The following DNAH17 variants were observed in gnomAD, a reference collection of about 807,000 sequenced individuals.
DNAH17 encodes the protein dynein axonemal heavy chain 17.
In DNAH17, 376 loss-of-function variants were observed where a neutral mutation model predicts 485.6. That is an observed-to-expected ratio of 0.77 (90% CI 0.71 to 0.84). The LOEUF (loss-of-function observed/expected upper bound fraction) is 0.84, where lower values mean the gene tolerates loss of function less well. DNAH17 is among the 40% of genes least tolerant of loss of function. The pLI is 0.00. For missense variants in DNAH17, 6,370 were observed against 5,839.3 expected (o/e 1.09, Z -2.96); for synonymous variants, 3,031 against 2,405.9 (o/e 1.26, Z -7.60).
chr17:78,472,905 C>A, intron 54 of DNAH17: 1 of 317,856 alleles, frequency 3.1e-6, no homozygotes, highest in East Asian at 1.3e-4. Context: ...CCACATCCTG[C>A]CCGCTCTATC....
chr17:78,523,880 G>A (rs1347493938), intron 25 of DNAH17, among the ~76,000 whole-genome samples: 2 of 152,220 alleles, frequency 1.3e-5, no homozygotes, highest in Non-Finnish European at 2.9e-5. Context: ...CTGCACCCCA[G>A]CCTGGGCAAC....
chr17:78,486,621 G>T (rs1197577389), intron 44 of DNAH17, 115 bp from the exon 45 acceptor site: 2 of 1,308,798 alleles, frequency 1.5e-6, no homozygotes, highest in African/African-American at 1.5e-5. Context: ...CTGCCCTCAG[G>T]GTCACCATGC....
At position 78,551,652 on chromosome 17, in the gene DNAH17, G is replaced by T. The variant is rs751697243; in HGVS notation, c.2288-14C>A. On this transcript the variant is annotated splice_polypyrimidine_tract_variant and intron_variant, in intron 15 of 80. Coordinates refer to ENST00000389840, the MANE Select transcript of DNAH17 (RefSeq NM_173628.4). The stretch of plus-strand genomic sequence containing the variant: ...ACTGAAACACACCTAAAATGGAAAT[G>T]TAGAGGAATCTTACAAAATGAACAA... The T allele has an allele frequency of 6.2e-7, 1 of 1,612,502 alleles. No homozygotes were observed. Among genetic ancestry groups the T allele is most frequent in the East Asian group, 2.2e-5 (1 of 44,874 alleles).
rs1483360077 is a variant in DNAH17, at chr17:78,507,331, C to T, written c.4623G>A (p.Val1541=). 1.3e-5 allele frequency: 21 copies of T among 1,614,058 alleles called. No homozygotes were observed. The highest frequency in any genetic ancestry group is 2.2e-5 in the East Asian group (1 of 44,886). Reference sequence around the variant, plus strand: ...AGAGGCCGGGTTTGCTGGTGGCTTCCACCACGTTGGGTGTTTTCACTGCAT... The same window carrying T: ...AGAGGCCGGGTTTGCTGGTGGCTTCTACCACGTTGGGTGTTTTCACTGCAT... ...MEDAVKTPNV[V]EATSKPGLYN... is the part of the protein sequence containing the mutation. Residue 1541 remains valine (V), a synonymous_variant, in exon 29 of 81, where the codon GTG becomes GTA. Coordinates refer to ENST00000389840, the MANE Select transcript of DNAH17 (RefSeq NM_173628.4).
rs1011288234 is a variant in DNAH17 at position 78,444,507 on chromosome 17, A to C, written c.11528+97T>G. ...GGAGAAGAAAAAAGTTCAGGGGATC[A>C]ACTCAAGTCCACAGAGAGTCTAGCA... On this transcript the variant is annotated intron_variant, in intron 71 of 80. Transcript: ENST00000389840. 7.4e-6 allele frequency: 9 copies of C among 1,211,072 alleles called. No homozygotes were observed. The African/African-American group carries it at 1.3e-4, about 17-fold the overall frequency. 75.0% of individuals were successfully genotyped at this position (1,211,072 alleles called of 1,614,324 possible). A position where few individuals can be genotyped will look rare whatever the true frequency, so the allele number is the denominator to read the frequency against.
chr17:78,565,525 G>C (rs765591816), intron 11 of DNAH17, among the ~76,000 whole-genome samples: 1 of 152,184 alleles, frequency 6.6e-6, no homozygotes, highest in Non-Finnish European at 1.5e-5. Flanking sequence ...ACCAGCCCAG[G>C]CTGCCCAGGC....
At chr17:78,485,210 A>G (rs1301845593) in intron 47 of DNAH17, 177 bp from the exon 48 acceptor site, 8 of 763,524 alleles carry the variant, frequency 1.0e-5, no homozygotes, top group Non-Finnish European at 1.6e-5. Flanking sequence ...GTACAGCCCC[A>G]GGAATAAACA....
At chr17:78,492,474 T>A (rs1001179106) in intron 42 of DNAH17, among the ~76,000 whole-genome samples, 159 bp downstream of exon 42, 1 of 152,134 alleles carries the variant, frequency 6.6e-6, no homozygotes, top group African/African-American at 2.4e-5. Context: ...CTGCTCCCCA[T>A]AAACTTTGTT....
At chr17:78,526,246 G>T (rs2091067765) in intron 24 of DNAH17, among the ~76,000 whole-genome samples, 1 of 152,240 alleles carries the variant, frequency 6.6e-6, no homozygotes, top group Non-Finnish European at 1.5e-5. Flanking sequence ...GGTCAGGAGA[G>T]GCAGGAGGCA....
At chr17:78,501,582 G>C in intron 34 of DNAH17, 160 bp downstream of exon 34, 2 of 1,100,044 alleles carry the variant, frequency 1.8e-6, no homozygotes, top group Non-Finnish European at 2.6e-6. Flanking sequence ...TGCTCACCAG[G>C]GGTGAGTCCG....
intron 51 of DNAH17, among the ~76,000 whole-genome samples, chr17:78,477,247 C>T (rs1241383945): frequency 6.6e-6 from 1 of 152,080 alleles, no homozygotes; most frequent in Non-Finnish European, 1.5e-5. Flanking sequence ...TGGCCAGGTA[C>T]ACAAAGAAAT....
At chr17:78,571,856 CCTT>C (rs2092363462) in intron 3 of DNAH17, 74 bp from the exon 4 acceptor site, 2 of 1,416,598 alleles carry the variant, frequency 1.4e-6, no homozygotes, top group South Asian at 1.4e-5. Flanking sequence ...TCCCATGAAT[CCTT>C]CTGCCCACCA....
At chr17:78,491,815 A>G (rs369604666) in intron 42 of DNAH17, among the ~76,000 whole-genome samples, 7 of 152,252 alleles carry the variant, frequency 4.6e-5, no homozygotes, top group African/African-American at 7.2e-5. Context: ...CCTCCCTGTC[A>G]GCCCCTCTTT....
rs757520876 is a variant in DNAH17, at chr17:78,426,546, C to CAT, written c.12824_12825dup (p.Asp4276MetfsTer16). On this transcript the variant is annotated frameshift_variant, in exon 79 of 81. Transcript: ENST00000389840. LOFTEE classifies it high-confidence loss of function. Reference sequence around the variant, plus strand: ...GCCACCCACGTATCAGGCACGGTGTCATAGAAGAGAGCCGTGGACAGATCT... The same window carrying CAT: ...GCCACCCACGTATCAGGCACGGTGTCATATAGAAGAGAGCCGTGGACAGATCT... 1.9e-6 allele frequency: 3 copies of CAT among 1,613,684 alleles called. No individual in the cohort carries two copies. The South Asian group carries it at 3.3e-5, about 18-fold the overall frequency.
chr17:78,506,618 C>G, intron 30 of DNAH17, 102 bp downstream of exon 30: 1 of 1,545,786 alleles, frequency 6.5e-7, no homozygotes, highest in Non-Finnish European at 8.8e-7. Flanking sequence ...GGGGCACGTC[C>G]AAGGACACTT....
At chr17:78,428,995 A>G in intron 76 of DNAH17, 126 bp downstream of exon 76, 1 of 987,328 alleles carries the variant, frequency 1.0e-6, no homozygotes. Flanking sequence ...CGCATTTCTC[A>G]TCCTCTCTTA....
At chr17:78,503,828 C>T (rs62073551) in intron 31 of DNAH17, among the ~76,000 whole-genome samples, 52,075 of 151,462 alleles carry the variant, frequency 0.34, 9,338 homozygotes, top group East Asian at 0.68. Context: ...TAGCCGGGCA[C>T]GGTGGCAGGC....
intron 50 of DNAH17, among the ~76,000 whole-genome samples, 155 bp from the exon 51 acceptor site, chr17:78,479,271 T>A (rs2089243279): frequency 6.6e-6 from 1 of 152,192 alleles, no homozygotes; most frequent in African/African-American, 2.4e-5. Flanking sequence ...TTTGCTGTTC[T>A]CCTTAAATCA....
In DNAH17 at chr17:78,458,981, G is replaced by A. The variant is rs781165297; in HGVS notation, c.9861+20C>T. 32 of 1,613,104 alleles carry A rather than the reference G, an allele frequency of 2.0e-5. No individual in the cohort carries two copies. The highest frequency in any genetic ancestry group is 1.1e-4 in the South Asian group (10 of 91,026). ...AGCGGCTCTGGTGTTTCGCAGGGAC[G>A]GGAGCGAGCCGGCACTTACGGCAAT... On this transcript the variant is annotated intron_variant, in intron 61 of 80. Transcript: ENST00000389840.
Sources: allele counts gnomAD v4.1 joint callset (sites outside exome capture counted in the v4.1 genomes callset), GRCh38; gene constraint gnomAD v4.1.1; transcripts MANE v1.5; gene names NCBI Gene and HGNC (gene_info 2026-07-23, HGNC 2026-07-21).